Variants in NKAIN2 observed in about 807,000 individuals in gnomAD.
The protein encoded by NKAIN2 is sodium/potassium transporting ATPase interacting 2, also known as sodium/potassium-transporting ATPase subunit beta-1-interacting protein 2.
In NKAIN2, 14 loss-of-function variants were observed where a neutral mutation model predicts 32.6. That is an observed-to-expected ratio of 0.43 (90% CI 0.28 to 0.67). The LOEUF (loss-of-function observed/expected upper bound fraction) is 0.67, where lower values mean the gene tolerates loss of function less well. Ranked by LOEUF, NKAIN2 falls within the 30% of genes least tolerant of loss-of-function variation. The probability of loss-of-function intolerance (pLI) is 0.17; values close to 1 mark genes in which losing one functional copy is unlikely to be tolerated. For missense variants in NKAIN2, 198 were observed against 258.3 expected (o/e 0.77, Z 1.60); for synonymous variants, 80 against 87.2 (o/e 0.92, Z 0.46).
intron 4 of NKAIN2, among the ~76,000 whole-genome samples, chr6:124,665,161 A>C (rs910319791): frequency 2.0e-5 from 3 of 152,212 alleles, no homozygotes; most frequent in African/African-American, 7.2e-5. Context: ...TAGAAAAAAA[A>C]ATCCTACAAT....
chr6:124,614,877 C>A (rs962039372), intron 3 of NKAIN2, among the ~76,000 whole-genome samples: 1 of 152,190 alleles, frequency 6.6e-6, no homozygotes, highest in Non-Finnish European at 1.5e-5. Context: ...AGAATAACAT[C>A]ATTTTATCAT....
chr6:124,044,596 G>C (rs1192408839), intron 1 of NKAIN2, among the ~76,000 whole-genome samples: 1 of 152,076 alleles, frequency 6.6e-6, no homozygotes, highest in East Asian at 1.9e-4. Flanking sequence ...TGCATAGACT[G>C]TTGTGATTCA....
At chr6:124,031,386 G>C (rs1327002422) in intron 1 of NKAIN2, among the ~76,000 whole-genome samples, 2 of 152,040 alleles carry the variant, frequency 1.3e-5, no homozygotes, top group African/African-American at 4.8e-5. Context: ...GTTTTTGAAG[G>C]GTTTTTCTGT....
At chr6:123,993,870 A>G (rs1003666545) in intron 1 of NKAIN2, among the ~76,000 whole-genome samples, 2 of 152,184 alleles carry the variant, frequency 1.3e-5, no homozygotes, top group Non-Finnish European at 2.9e-5. Context: ...TCCATTTCCA[A>G]TAGAACCATG....
chr6:124,423,938 G>A (rs1327025488), intron 3 of NKAIN2, among the ~76,000 whole-genome samples: 2 of 152,120 alleles, frequency 1.3e-5, no homozygotes, highest in African/African-American at 4.8e-5. Context: ...AAAGCAGCAC[G>A]AATAGACTAA....
intron 3 of NKAIN2, among the ~76,000 whole-genome samples, chr6:124,596,762 G>T (rs1347204599): frequency 2.0e-5 from 3 of 151,346 alleles, no homozygotes; most frequent in African/African-American, 7.3e-5. Flanking sequence ...TATACACAGA[G>T]GTATATATGT....
At chr6:123,852,778 T>C (rs188466889) in intron 1 of NKAIN2, among the ~76,000 whole-genome samples, 2 of 152,328 alleles carry the variant, frequency 1.3e-5, no homozygotes, top group East Asian at 1.9e-4. Flanking sequence ...ATCTCACTTA[T>C]ATGTGGAAAT....
At chr6:124,124,678 G>A (rs920312541) in intron 1 of NKAIN2, among the ~76,000 whole-genome samples, 6 of 151,998 alleles carry the variant, frequency 3.9e-5, no homozygotes, top group African/African-American at 1.2e-4. Context: ...TTAGTATTAC[G>A]CCTGTCTTTG....
chr6:124,717,034 T>C (rs954188845), intron 4 of NKAIN2, among the ~76,000 whole-genome samples: 2 of 152,188 alleles, frequency 1.3e-5, no homozygotes, highest in African/African-American at 4.8e-5. Context: ...GCAAATGTTC[T>C]TTTACAAAAT....
chr6:124,035,625 T>TGG (rs1361847136), intron 1 of NKAIN2, among the ~76,000 whole-genome samples: 1 of 152,152 alleles, frequency 6.6e-6, no homozygotes, highest in Non-Finnish European at 1.5e-5. Flanking sequence ...ATAAAAGTGA[T>TGG]GGGCACACAA....
chr6:124,167,900 G>A (rs1788642353), intron 1 of NKAIN2, among the ~76,000 whole-genome samples: 1 of 152,020 alleles, frequency 6.6e-6, no homozygotes, highest in South Asian at 2.1e-4. Flanking sequence ...CTCTTGAATT[G>A]AGCTCCTGAA....
chr6:124,684,733 A>G (rs1010254284), intron 4 of NKAIN2, among the ~76,000 whole-genome samples: 2 of 152,156 alleles, frequency 1.3e-5, no homozygotes, highest in African/African-American at 4.8e-5. Flanking sequence ...TAGTTCAGCC[A>G]TTCAGTCACT....
intron 3 of NKAIN2, among the ~76,000 whole-genome samples, chr6:124,474,222 G>C (rs1268255797): frequency 6.6e-6 from 1 of 151,974 alleles, no homozygotes; most frequent in Non-Finnish European, 1.5e-5. Flanking sequence ...TTTCAAGGTG[G>C]AATCTGCCAA....
intron 1 of NKAIN2, among the ~76,000 whole-genome samples, chr6:123,909,802 C>T (rs1175318244): frequency 1.3e-5 from 2 of 151,974 alleles, no homozygotes; most frequent in Admixed American, 6.6e-5. Flanking sequence ...TGTGCTGGAC[C>T]ACGGTGGGTT....
At chr6:124,797,716 G>A (rs1044982129) in intron 5 of NKAIN2, among the ~76,000 whole-genome samples, 2 of 152,172 alleles carry the variant, frequency 1.3e-5, no homozygotes, top group South Asian at 4.1e-4. Flanking sequence ...ATTCCATTCT[G>A]TATGTTTTTA....
At chr6:124,338,098 C>G (rs79533943) in intron 2 of NKAIN2, among the ~76,000 whole-genome samples, 1,560 of 152,266 alleles carry the variant, frequency 0.01, 29 homozygotes, top group African/African-American at 0.034. Context: ...GGACTCAACA[C>G]TTTTAGCTAT....
chr6:124,742,583 A>C (rs996799538), intron 4 of NKAIN2, among the ~76,000 whole-genome samples: 1 of 151,876 alleles, frequency 6.6e-6, no homozygotes, highest in African/African-American at 2.4e-5. Context: ...TGTATGAGCC[A>C]GTTCTCATAA....
chr6:124,225,781 AT>A (rs1209436644), intron 1 of NKAIN2, among the ~76,000 whole-genome samples: 3 of 152,032 alleles, frequency 2.0e-5, no homozygotes, highest in Non-Finnish European at 4.4e-5. Context: ...CAGTTGAAGA[AT>A]TTTTTGTCCA....
intron 1 of NKAIN2, among the ~76,000 whole-genome samples, chr6:124,277,664 C>T (rs1795101022): frequency 1.3e-5 from 2 of 152,146 alleles, no homozygotes; most frequent in Middle Eastern, 6.8e-3. Context: ...TCTACTTGGC[C>T]TAACACTGAA....
Sources: allele counts gnomAD v4.1 joint callset (sites outside exome capture counted in the v4.1 genomes callset), GRCh38; gene constraint gnomAD v4.1.1; transcripts MANE v1.5; gene names NCBI Gene and HGNC (gene_info 2026-07-23, HGNC 2026-07-21).